Variants in NT5C2 observed in about 807,000 individuals in gnomAD.
NT5C2 encodes cytosolic purine 5'-nucleotidase.
Under a neutral mutation model 76.1 loss-of-function variants are expected in NT5C2, and 58 were observed. The observed-to-expected ratio is 0.76, with a 90% CI of 0.62 to 0.95. The LOEUF is 0.95. Among genes scored for constraint, NT5C2 ranks in the 40% least tolerant of loss-of-function variants. The pLI is 0.00. For missense variants in NT5C2, 478 were observed against 690.3 expected, an observed-to-expected ratio of 0.69 and a Z score of 3.45; for synonymous variants, 229 against 237.4, an observed-to-expected ratio of 0.96 and a Z score of 0.32.
chr10:103,167,210 G>A (rs1274518970), intron 3 of NT5C2, among the ~76,000 whole-genome samples: 1 of 151,782 alleles, frequency 6.6e-6, no homozygotes, highest in Non-Finnish European at 1.5e-5. Flanking sequence ...TAGAGATGGG[G>A]TTTCACCATG....
At chr10:103,192,136 GAC>G (rs758875982) in intron 1 of NT5C2, among the ~76,000 whole-genome samples, 4 of 152,212 alleles carry the variant, frequency 2.6e-5, no homozygotes, top group East Asian at 1.9e-4. Flanking sequence ...CATGGTAAAT[GAC>G]ACAGTTTCAA....
chr10:103,125,216 A>G, intron 4 of NT5C2: 1 of 766,176 alleles, frequency 1.3e-6, no homozygotes, highest in Non-Finnish European at 2.2e-6. Context: ...CCTGCCTGTG[A>G]GGTTCACTAC....
intron 3 of NT5C2, chr10:103,146,222 G>GTGTTTAATTTAACT (rs2081453246): frequency 1.0e-6 from 1 of 985,200 alleles, no homozygotes; most frequent in Non-Finnish European, 1.2e-6. Context: ...AAACACCTCT[G>GTGTTTAATTTAACT]TGTTTAATTT....
At chr10:103,116,119 A>C (rs2074275339) in intron 4 of NT5C2, among the ~76,000 whole-genome samples, 1 of 152,270 alleles carries the variant, frequency 6.6e-6, no homozygotes, top group South Asian at 2.1e-4. Context: ...TTAACATTTA[A>C]ATGCCTTTTT....
intron 4 of NT5C2, among the ~76,000 whole-genome samples, chr10:103,137,939 T>G (rs1487575003): frequency 6.6e-6 from 1 of 152,204 alleles, no homozygotes; most frequent in Non-Finnish European, 1.5e-5. Flanking sequence ...TTTGGTTGGT[T>G]GGTTAGTTGG....
At chr10:103,188,105 C>G (rs1320236488) in intron 1 of NT5C2, among the ~76,000 whole-genome samples, 1 of 152,114 alleles carries the variant, frequency 6.6e-6, no homozygotes. Flanking sequence ...GCCTGTAATC[C>G]CAATGCTTTG....
intron 3 of NT5C2, among the ~76,000 whole-genome samples, chr10:103,151,908 T>C (rs1212501929): frequency 6.6e-6 from 1 of 152,074 alleles, no homozygotes; most frequent in African/African-American, 2.4e-5. Context: ...CAGACATTGC[T>C]CCAGAGGCTC....
chr10:103,166,512 G>A (rs1244339734), intron 3 of NT5C2, among the ~76,000 whole-genome samples: 1 of 152,092 alleles, frequency 6.6e-6, no homozygotes, highest in African/African-American at 2.4e-5. Flanking sequence ...ATTTTGGGAG[G>A]AAAATAATAA....
intron 3 of NT5C2, among the ~76,000 whole-genome samples, chr10:103,146,843 C>T (rs187931799): frequency 2.6e-5 from 4 of 152,308 alleles, no homozygotes; most frequent in South Asian, 2.1e-4. Context: ...GCTCTGCCCT[C>T]GCACTAATGC....
At chr10:103,178,951 TTTC>T (rs2090565599) in intron 2 of NT5C2, among the ~76,000 whole-genome samples, 1 of 141,298 alleles carries the variant, frequency 7.1e-6, no homozygotes, top group Non-Finnish European at 1.6e-5. Flanking sequence ...TTTTTCTTTT[TTTC>T]TTTTTTTTTT....
chr10:103,128,044 TCTCTCCCTCTCCCTCTCCCTCTCC>T lies in NT5C2; in HGVS notation c.175+11338_175+11361del, dbSNP rs71019659. Among the ~76,000 whole-genome samples the T allele has an allele frequency of 1.8e-3, 248 of 138,638 alleles. 1 individual carries two copies. Among genetic ancestry groups the T allele is most frequent in the African/African-American group, 5.7e-3 (217 of 37,966 alleles). The allele number at this position is 138,638 out of a possible 152,430, so 91.0% of individuals were successfully genotyped here. On this transcript the variant is annotated intron_variant, in intron 4 of 18. Transcript: ENST00000404739. The stretch of plus-strand genomic sequence containing the variant: ...AAAAACTGTATTTAAAATGATCCGG[TCTCTCCCTCTCCCTCTCCCTCTCC>T]CTCTCCCTCTCCCTCTCCCTCTGTC...
At position 103,119,644 on chromosome 10, in the gene NT5C2, C is replaced by T. The variant is rs1381419472; in HGVS notation, c.176-12938G>A. On this transcript the variant is annotated intron_variant, in intron 4 of 18. Coordinates refer to ENST00000404739, the MANE Select transcript of NT5C2 (RefSeq NM_001351169.2). ...AAATACATTCCTTTCAGAGACCTCT[C>T]GTCACAGTAAGAACTCCAAATAGAT... is the stretch of plus-strand genomic sequence containing the variant. Among the ~76,000 whole-genome samples, 2 of 152,206 alleles carry T rather than the reference C, an allele frequency of 1.3e-5. 1 individual carries two copies. The highest frequency in any genetic ancestry group is 1.3e-4 in the Admixed American group (2 of 15,286).
intron 1 of NT5C2, among the ~76,000 whole-genome samples, chr10:103,191,123 T>C (rs2092603051): frequency 2.0e-5 from 3 of 152,242 alleles, no homozygotes. Flanking sequence ...TCGGACGCAG[T>C]GGCTCAAGCC....
intron 15 of NT5C2, among the ~76,000 whole-genome samples, chr10:103,091,863 A>G (rs1362961831): frequency 6.6e-6 from 1 of 152,152 alleles, no homozygotes; most frequent in Non-Finnish European, 1.5e-5. Flanking sequence ...CACCATGATG[A>G]CAACTTTCCC....
intron 3 of NT5C2, among the ~76,000 whole-genome samples, chr10:103,145,364 A>G (rs182574955): frequency 6.6e-6 from 1 of 152,272 alleles, no homozygotes; most frequent in Admixed American, 6.5e-5. Flanking sequence ...GTTAGGTACT[A>G]TATCAACTAA....
At chr10:103,181,907 T>G (rs2091145405) in intron 1 of NT5C2, among the ~76,000 whole-genome samples, 1 of 151,454 alleles carries the variant, frequency 6.6e-6, no homozygotes. Context: ...CTCGAGAAGC[T>G]GAGGCAGGAG....
At chr10:103,164,983 A>G (rs576852383) in intron 3 of NT5C2, among the ~76,000 whole-genome samples, 1 of 152,374 alleles carries the variant, frequency 6.6e-6, no homozygotes, top group African/African-American at 2.4e-5. Context: ...TAACATTTAG[A>G]GAATCTGTAC....
At chr10:103,118,255 A>G (rs2074830918) in intron 4 of NT5C2, among the ~76,000 whole-genome samples, 1 of 152,196 alleles carries the variant, frequency 6.6e-6, no homozygotes. Flanking sequence ...TGAACCTAAC[A>G]GCTATGTAAA....
At chr10:103,188,175 C>T (rs532537969) in intron 1 of NT5C2, among the ~76,000 whole-genome samples, 2 of 151,722 alleles carry the variant, frequency 1.3e-5, no homozygotes, top group Non-Finnish European at 2.9e-5. Context: ...GCCAACATAG[C>T]GAAACCCCCA....
Sources: gnomAD v4.1 joint callset for allele counts (sites outside exome capture counted in the v4.1 genomes callset) on GRCh38, gnomAD v4.1.1 for gene constraint, MANE v1.5 for transcripts, NCBI Gene and HGNC (gene_info 2026-07-23, HGNC 2026-07-21) for gene names.